Variants in ZC3H3 observed in about 807,000 individuals in gnomAD.
ZC3H3 encodes zinc finger CCCH-type containing 3.
ZC3H3 carries 36 observed loss-of-function variants against 77.3 expected under a neutral mutation model. That is an observed-to-expected ratio of 0.47 (90% confidence interval 0.36 to 0.61). The LOEUF (loss-of-function observed/expected upper bound fraction) is 0.61. ZC3H3 is among the 20% of genes least tolerant of loss of function. The pLI, the probability that ZC3H3 is intolerant of heterozygous loss-of-function variation, is 0.00. For missense variants in ZC3H3, 1,331 were observed against 1,312.2 expected (o/e 1.01, Z -0.22); for synonymous variants, 626 against 555.2 (o/e 1.13, Z -1.79).
intron 3 of ZC3H3, among the ~76,000 whole-genome samples, chr8:143,519,059 G>A (rs1822154663): frequency 6.6e-6 from 1 of 152,254 alleles, no homozygotes; most frequent in Admixed American, 6.5e-5. Context: ...CTAAGGCCAG[G>A]CCAGGGTGCA....
At chr8:143,438,649 C>T (rs1263592256) in intron 11 of ZC3H3, among the ~76,000 whole-genome samples, 1 of 152,162 alleles carries the variant, frequency 6.6e-6, no homozygotes, top group Non-Finnish European at 1.5e-5. Context: ...CCCAGGGGCT[C>T]CTGCCCCATG....
intron 9 of ZC3H3, among the ~76,000 whole-genome samples, chr8:143,452,989 C>G (rs182163034): frequency 3.5e-4 from 54 of 152,260 alleles, no homozygotes; most frequent in African/African-American, 1.2e-3. Context: ...GACATCTACC[C>G]CAGATGTCAG....
chr8:143,522,351 C>T (rs1822274181), intron 3 of ZC3H3, among the ~76,000 whole-genome samples: 1 of 152,210 alleles, frequency 6.6e-6, no homozygotes, highest in Admixed American at 6.5e-5. Context: ...GCCTGTAATC[C>T]CAGCACTTTG....
chr8:143,526,800 C>A (rs977480467), intron 3 of ZC3H3, among the ~76,000 whole-genome samples: 1 of 152,216 alleles, frequency 6.6e-6, no homozygotes, highest in African/African-American at 2.4e-5. Flanking sequence ...TGGAAAGCCG[C>A]CTCAGTGCCC....
Position 143,440,154 on chromosome 8 carries a change from G to C in ZC3H3, c.2702C>G (p.Ala901Gly). The change falls in exon 11 of 12, where the codon GCG (alanine) becomes GGG (glycine). Residue 901 changes from alanine to glycine, a missense_variant. By Grantham distance (60) the Ala-to-Gly change is moderately conservative. This residue lies in a region of ZC3H3 where 249 missense variants were observed against 236.9 expected (regional missense o/e 1.05). Coordinates refer to ENST00000262577, the MANE Select transcript of ZC3H3 (RefSeq NM_015117.3). ...PSLQEAALAAACSNRLCKLPS... is the reference protein window; with the variant it reads ...PSLQEAALAAGCSNRLCKLPS... The stretch of plus-strand genomic sequence containing the variant: ...CAGCTTGCAGAGCCTGTTGGAGCAC[G>C]CTGCTGCTAAGGCAGCCTCCTGGAG... 6 of 1,611,996 alleles carry C rather than the reference G, an allele frequency of 3.7e-6. No individual in the cohort carries two copies. Among genetic ancestry groups the C allele is most frequent in the Non-Finnish European group, 5.1e-6 (6 of 1,179,710 alleles).
chr8:143,474,736 CAAGA>C, intron 5 of ZC3H3, among the ~76,000 whole-genome samples: 1 of 152,144 alleles, frequency 6.6e-6, no homozygotes, highest in African/African-American at 2.4e-5. Context: ...TTTTGATGGA[CAAGA>C]AAGGGGGTAA....
rs1266346089 is a variant in ZC3H3 at position 143,460,126 on chromosome 8, T to C, written c.2307+5591A>G. On this transcript the variant is annotated intron_variant, in intron 9 of 11. Transcript: ENST00000262577. This position sits in a 1 kb window ranked among gnomAD's most constrained non-coding sequence, Gnocchi z 4.0. The stretch of plus-strand genomic sequence containing the variant: ...CTGGGTTTGGTGGCACATGCACCTG[T>C]AGTCCCAGCTACTTGGGAGGCTGAG... Among the ~76,000 whole-genome samples the C allele has an allele frequency of 6.6e-6, 1 of 151,922 alleles. No homozygotes were observed. The highest frequency in any genetic ancestry group is 1.9e-4 in the East Asian group (1 of 5,188).
intron 9 of ZC3H3, 44 bp from the exon 10 acceptor site, chr8:143,441,164 G>C: frequency 7.3e-7 from 1 of 1,367,080 alleles, no homozygotes; most frequent in South Asian, 1.8e-5. Flanking sequence ...GCTGGAGGCT[G>C]TGGCGCTGCA....
chr8:143,455,215 GA>G (rs1292007463), intron 9 of ZC3H3, among the ~76,000 whole-genome samples: 1 of 152,080 alleles, frequency 6.6e-6, no homozygotes, highest in Non-Finnish European at 1.5e-5. Flanking sequence ...TCAGGAGGCT[GA>G]AAAAGGAGAA....
At chr8:143,537,790 G>A (rs975843830) in intron 2 of ZC3H3, among the ~76,000 whole-genome samples, 1 of 152,160 alleles carries the variant, frequency 6.6e-6, no homozygotes, top group African/African-American at 2.4e-5. Context: ...AGCAGTGTGA[G>A]GGACGGGAAA....
intron 9 of ZC3H3, among the ~76,000 whole-genome samples, chr8:143,463,153 T>G (rs569939160): frequency 1.3e-5 from 2 of 152,060 alleles, no homozygotes; most frequent in South Asian, 4.2e-4. Context: ...CCGGCTAACT[T>G]TTCGTATTTT....
chr8:143,465,862 C>T lies in ZC3H3; in HGVS notation c.2176-14G>A, dbSNP rs752061576. 1.3e-5 allele frequency: 21 copies of T among 1,606,274 alleles called. No homozygotes were observed. The African/African-American group carries it at 1.5e-4, about 11-fold the overall frequency. On this transcript the variant is annotated splice_polypyrimidine_tract_variant and intron_variant, in intron 8 of 11. Transcript: ENST00000262577. ...GCACACCGGCATCTGCAGGGAGGGC[C>T]GGCAGTGAGGGCCAGCAGGCAGCCA...
Position 143,486,801 on chromosome 8 carries a change from A to G in ZC3H3, c.1716-11216T>C, listed in dbSNP as rs369802559. Among the ~76,000 whole-genome samples the G allele has an allele frequency of 5.6e-3, 621 of 110,904 alleles. 4 individuals carry two copies. Among genetic ancestry groups the G allele is most frequent in the Admixed American group, 0.035 (382 of 10,926 alleles). The allele number at this position is 110,904 out of a possible 152,430, so 72.8% of individuals were successfully genotyped here. ...CACACAGAACAGCACCCGCTACACGACCCCATCACCACGAAGCTCAGACAC... is the reference window on the plus strand; with the variant it reads ...CACACAGAACAGCACCCGCTACACGGCCCCATCACCACGAAGCTCAGACAC... On this transcript the variant is annotated intron_variant, in intron 4 of 11. Transcript: ENST00000262577.
At chr8:143,468,574 G>C (rs759152755) in intron 6 of ZC3H3, 34 bp from the exon 7 acceptor site, 4 of 1,593,794 alleles carry the variant, frequency 2.5e-6, no homozygotes, top group South Asian at 1.1e-5. Flanking sequence ...TGAGCCTGAG[G>C]GCGAGCAGGG....
intron 4 of ZC3H3, among the ~76,000 whole-genome samples, chr8:143,476,983 G>T (rs1002932811): frequency 6.6e-6 from 1 of 152,210 alleles, no homozygotes; most frequent in African/African-American, 2.4e-5. Context: ...GATGGGGCAG[G>T]TACAGGGGGA....
chr8:143,505,640 A>C (rs1419468141), intron 4 of ZC3H3, among the ~76,000 whole-genome samples: 1 of 152,182 alleles, frequency 6.6e-6, no homozygotes, highest in Admixed American at 6.5e-5. Flanking sequence ...GGAGTGGAAC[A>C]GGACTGGGGT....
intron 9 of ZC3H3, among the ~76,000 whole-genome samples, chr8:143,446,676 T>C (rs534165809): frequency 6.6e-6 from 1 of 152,344 alleles, no homozygotes; most frequent in African/African-American, 2.4e-5. Context: ...TAAAAAAAGG[T>C]TGAACACAGC....
intron 9 of ZC3H3, among the ~76,000 whole-genome samples, chr8:143,451,084 A>T (rs1532040): frequency 0.99 from 151,436 of 152,224 alleles, 75,330 homozygotes; most frequent in East Asian, 1. Flanking sequence ...GGTGCCCACA[A>T]GGACAGCAGG....
chr8:143,541,439 G>A lies in ZC3H3; in HGVS notation c.-18C>T. The A allele has an allele frequency of 1.2e-6, 2 of 1,611,258 alleles. No individual in the cohort carries two copies. The highest frequency in any genetic ancestry group is 1.1e-5 in the South Asian group (1 of 90,848). On this transcript the variant is annotated 5_prime_UTR_variant, in exon 1 of 12. Coordinates refer to ENST00000262577, the MANE Select transcript of ZC3H3 (RefSeq NM_015117.3). Reference sequence around the variant, plus strand: ...TCCTCCATCTCCCGAGTCCGCGACGGCCGGCCAGGCCCCCACGACGTCATC... The same window carrying A: ...TCCTCCATCTCCCGAGTCCGCGACGACCGGCCAGGCCCCCACGACGTCATC...
Sources: allele counts gnomAD v4.1 joint callset (sites outside exome capture counted in the v4.1 genomes callset), GRCh38; gene constraint gnomAD v4.1.1; regional missense constraint gnomAD v4.1.1; non-coding constraint Gnocchi (gnomAD v3.1); transcripts MANE v1.5; gene names NCBI Gene and HGNC (gene_info 2026-07-23, HGNC 2026-07-21).